Variants in RIMS2 observed in about 807,000 individuals in gnomAD.
The protein encoded by RIMS2 is regulating synaptic membrane exocytosis 2, also known as regulating synaptic membrane exocytosis protein 2.
RIMS2 carries 59 observed loss-of-function variants against 174.4 expected under a neutral mutation model. That is an observed-to-expected ratio of 0.34 (90% CI 0.27 to 0.42). The LOEUF is 0.42. Ranked by LOEUF, RIMS2 falls within the 10% of genes least tolerant of loss-of-function variation. The probability of loss-of-function intolerance (pLI) is 1.00; values close to 1 mark genes in which losing one functional copy is unlikely to be tolerated. For missense variants in RIMS2, 1,620 were observed against 1,666.3 expected (o/e 0.97, Z 0.48); for synonymous variants, 606 against 572.5 (o/e 1.06, Z -0.84).
chr8:103,606,805 C>G (rs2095114779), intron 1 of RIMS2, among the ~76,000 whole-genome samples: 1 of 151,612 alleles, frequency 6.6e-6, no homozygotes, highest in Non-Finnish European at 1.5e-5. Context: ...TCTGTTTTAT[C>G]AGAGACTAGG....
intron 19 of RIMS2, chr8:104,223,689 G>GGCGCTCCATGCA (rs2099167751): frequency 6.3e-7 from 1 of 1,591,892 alleles, no homozygotes; most frequent in Non-Finnish European, 8.5e-7. Context: ...AGCGCTGCGG[G>GGCGCTCCATGCA]GCGCTCCATG....
chr8:104,229,371 A>G (rs1209962185), intron 19 of RIMS2, among the ~76,000 whole-genome samples: 1 of 152,160 alleles, frequency 6.6e-6, no homozygotes, highest in Non-Finnish European at 1.5e-5. Context: ...CTGTGTATAT[A>G]TAATATTATT....
intron 1 of RIMS2, among the ~76,000 whole-genome samples, chr8:103,624,135 A>T (rs1203031019): frequency 6.6e-6 from 1 of 152,204 alleles, no homozygotes; most frequent in African/African-American, 2.4e-5. Context: ...TTGACTGGCC[A>T]AGGGGGGCCC....
intron 1 of RIMS2, among the ~76,000 whole-genome samples, chr8:103,515,492 C>G (rs982763167): frequency 1.1e-4 from 16 of 152,136 alleles, no homozygotes; most frequent in Non-Finnish European, 2.1e-4. Context: ...ACAAGCTTTT[C>G]CTTTCATAGA....
intron 1 of RIMS2, among the ~76,000 whole-genome samples, chr8:103,663,375 A>G (rs2096627749): frequency 6.6e-6 from 1 of 152,160 alleles, no homozygotes; most frequent in African/African-American, 2.4e-5. Context: ...ATGATTATAT[A>G]TTTAGAAAAC....
intron 3 of RIMS2, among the ~76,000 whole-genome samples, chr8:103,833,656 T>C (rs945561051): frequency 6.6e-6 from 1 of 152,120 alleles, no homozygotes; most frequent in Non-Finnish European, 1.5e-5. Flanking sequence ...AGTGAATTAT[T>C]AATTTCCAAT....
At chr8:104,058,222 C>A (rs2096909890) in intron 19 of RIMS2, among the ~76,000 whole-genome samples, 1 of 149,642 alleles carries the variant, frequency 6.7e-6, no homozygotes, top group South Asian at 2.2e-4. Flanking sequence ...ACATCCTCTC[C>A]AGCACCTGTT....
rs1302713864 is a variant in RIMS2 at position 104,144,796 on chromosome 8, C to G, written c.3335-100120C>G. On this transcript the variant is annotated intron_variant, in intron 19 of 23. Coordinates refer to ENST00000504942, the Ensembl canonical transcript of RIMS2. ...CATCATCTCATGAATCTAGGCTTCT[C>G]AAATTACTTAGTTTAGCACAAAATA... Among the ~76,000 whole-genome samples the G allele has an allele frequency of 7.9e-5, 12 of 152,070 alleles. No homozygotes were observed. The East Asian group carries it at 2.1e-3, about 27-fold the overall frequency.
At chr8:104,075,624 T>C (rs550752682) in intron 19 of RIMS2, among the ~76,000 whole-genome samples, 9 of 152,216 alleles carry the variant, frequency 5.9e-5, no homozygotes, top group Non-Finnish European at 1.3e-4. Context: ...ATTTTACTTT[T>C]TCATATTTTC....
chr8:103,920,841 T>A (rs1165675033), intron 9 of RIMS2: 75 of 332,832 alleles, frequency 2.3e-4, no homozygotes, highest in African/African-American at 6.5e-4. Context: ...AAAAAAAAAA[T>A]ACAAAAAATT....
At chr8:104,188,256 T>TAGATAGAC (rs2098979623) in intron 19 of RIMS2, among the ~76,000 whole-genome samples, 1 of 146,790 alleles carries the variant, frequency 6.8e-6, no homozygotes, top group East Asian at 2.0e-4. Context: ...GATAGATAGA[T>TAGATAGAC]AGATAGATAG....
intron 19 of RIMS2, among the ~76,000 whole-genome samples, chr8:104,104,255 G>C (rs2097981189): frequency 6.6e-6 from 1 of 152,136 alleles, no homozygotes; most frequent in African/African-American, 2.4e-5. Flanking sequence ...GCTTACAATG[G>C]ACAAATTAAA....
In RIMS2 at chr8:103,737,852, C is replaced by T. The variant is rs571089550; in HGVS notation, c.388-28375C>T. On this transcript the variant is annotated intron_variant, in intron 2 of 23. Transcript: ENST00000504942. ...CCTGTCATCATTTTACAGGGCTCTT[C>T]TCTAACTACCCTCTGTAGGGTGTTA... is the stretch of plus-strand genomic sequence containing the variant. Among the ~76,000 whole-genome samples the T allele has an allele frequency of 3.3e-5, 5 of 152,310 alleles. No homozygotes were observed. The South Asian group carries it at 1.0e-3, about 32-fold the overall frequency.
At chr8:103,714,056 A>T (rs1554766979) in intron 2 of RIMS2, among the ~76,000 whole-genome samples, 3 of 152,020 alleles carry the variant, frequency 2.0e-5, no homozygotes, top group Non-Finnish European at 4.4e-5. Flanking sequence ...TTAACCACTC[A>T]CTTTTTTGTG....
intron 17 of RIMS2, chr8:103,998,340 G>T: frequency 1.3e-6 from 1 of 789,344 alleles, no homozygotes; most frequent in African/African-American, 1.8e-5. Context: ...CTGTTTTTAT[G>T]TATATACATA....
chr8:103,567,383 C>T (rs1269571523), intron 1 of RIMS2, among the ~76,000 whole-genome samples: 1 of 152,180 alleles, frequency 6.6e-6, no homozygotes. Flanking sequence ...CTAGATTTGT[C>T]TGTTCTCATT....
chr8:103,633,187 C>T (rs1185714674), intron 1 of RIMS2, among the ~76,000 whole-genome samples: 19 of 121,488 alleles, frequency 1.6e-4, no homozygotes, highest in East Asian at 8.5e-4. Context: ...CCACCACGCC[C>T]GGCTATTTTT....
At chr8:104,246,461 C>T (rs2099330746) in intron 20 of RIMS2, among the ~76,000 whole-genome samples, 1 of 152,054 alleles carries the variant, frequency 6.6e-6, no homozygotes, top group Non-Finnish European at 1.5e-5. Flanking sequence ...AAAGCAGACC[C>T]CATCTCCCCA....
chr8:103,976,086 A>G (rs1259558333), intron 16 of RIMS2: 1 of 152,242 alleles, frequency 6.6e-6, no homozygotes, highest in African/African-American at 2.4e-5. Context: ...GGCTTCCTTC[A>G]TTCCATTCAA....
Sources: allele counts gnomAD v4.1 joint callset (sites outside exome capture counted in the v4.1 genomes callset), GRCh38; gene constraint gnomAD v4.1.1; transcripts MANE v1.5; gene names NCBI Gene and HGNC (gene_info 2026-07-23, HGNC 2026-07-21).